The following NAALADL2 variants were observed in gnomAD, a reference collection of about 807,000 sequenced individuals.
NAALADL2 encodes N-acetylated alpha-linked acidic dipeptidase like 2, also known as inactive N-acetylated-alpha-linked acidic dipeptidase-like protein 2.
Under a neutral mutation model 87.2 loss-of-function variants are expected in NAALADL2, and 76 were observed. The observed-to-expected ratio is 0.87, with a 90% CI of 0.72 to 1.05. The LOEUF (loss-of-function observed/expected upper bound fraction) is 1.05, where lower values mean the gene tolerates loss of function less well. NAALADL2 is among the 50% of genes least tolerant of loss of function. The pLI is 0.00. For missense variants in NAALADL2, 1,089 were observed against 945.8 expected, an observed-to-expected ratio of 1.15 and a Z score of -1.99; for synonymous variants, 354 against 331.0, an observed-to-expected ratio of 1.07 and a Z score of -0.75.
intron 1 of NAALADL2, among the ~76,000 whole-genome samples, chr3:175,032,708 T>C (rs867372468): frequency 1.3e-5 from 2 of 152,052 alleles, no homozygotes; most frequent in Admixed American, 6.6e-5. Flanking sequence ...TTAAAAAATA[T>C]ATATATCATT....
chr3:175,029,097 TG>T (rs1275389715), intron 1 of NAALADL2, among the ~76,000 whole-genome samples: 4 of 151,110 alleles, frequency 2.6e-5, no homozygotes, highest in Non-Finnish European at 4.4e-5. Flanking sequence ...AATTTCAAGT[TG>T]TCCCAAATTT....
chr3:175,524,224 T>C (rs2149427673), intron 9 of NAALADL2, among the ~76,000 whole-genome samples: 1 of 152,306 alleles, frequency 6.6e-6, no homozygotes, highest in South Asian at 2.1e-4. Flanking sequence ...TTTTGGTCTT[T>C]AGGAAGATGT....
chr3:175,634,947 T>C (rs1728303027), intron 11 of NAALADL2, among the ~76,000 whole-genome samples: 1 of 152,022 alleles, frequency 6.6e-6, no homozygotes, highest in East Asian at 1.9e-4. Flanking sequence ...GTATTTTCAA[T>C]GCGAAGGTTG....
Position 174,879,671 on chromosome 3 carries a change from A to AT in NAALADL2, c.43+20229dup, listed in dbSNP as rs897441594. Among the ~76,000 whole-genome samples the AT allele has an allele frequency of 2.2e-4, 34 of 151,872 alleles. No individual in the cohort carries two copies. The East Asian group carries it at 6.0e-3, about 27-fold the overall frequency. Reference sequence around the variant, plus strand: ...ACTTCAGGTGAATGAGATATTCATAATTTTTTTTGGCCTCACTACTCATCT... The same window carrying AT: ...ACTTCAGGTGAATGAGATATTCATAATTTTTTTTTGGCCTCACTACTCATCT... On this transcript the variant is annotated intron_variant, in intron 1 of 13. Coordinates refer to ENST00000454872, the MANE Select transcript of NAALADL2 (RefSeq NM_207015.3).
intron 1 of NAALADL2, among the ~76,000 whole-genome samples, chr3:174,956,286 C>T (rs969871108): frequency 5.3e-5 from 8 of 151,994 alleles, no homozygotes; most frequent in Non-Finnish European, 8.8e-5. Flanking sequence ...TATGGACTCA[C>T]TAAAGTAAGC....
At chr3:174,646,978 T>G (rs571417467) in intron 2 of NAALADL2, among the ~76,000 whole-genome samples, 68 of 152,276 alleles carry the variant, frequency 4.5e-4, no homozygotes, top group African/African-American at 1.6e-3. Context: ...TCTAACTCAC[T>G]GTTAACATTC....
chr3:174,521,571 C>CAAAAAAAAAAAAAA (rs58465181), intron 1 of NAALADL2, among the ~76,000 whole-genome samples: 1 of 56,186 alleles, frequency 1.8e-5, no homozygotes, highest in Non-Finnish European at 3.1e-5. Context: ...GACCCTGTCT[C>CAAAAAAAAAAAAAA]AAAAAAAAAA....
chr3:175,795,591 G>A (rs1664158161), intron 13 of NAALADL2, among the ~76,000 whole-genome samples: 1 of 151,990 alleles, frequency 6.6e-6, no homozygotes, highest in Admixed American at 6.6e-5. Context: ...GCAGAGGCAG[G>A]AGAATGGTGT....
intron 1 of NAALADL2, among the ~76,000 whole-genome samples, chr3:174,860,917 A>C (rs558241427): frequency 6.6e-6 from 1 of 152,044 alleles, no homozygotes; most frequent in African/African-American, 2.4e-5. Context: ...CCCTATCCAT[A>C]TATATGTATA....
intron 3 of NAALADL2, among the ~76,000 whole-genome samples, chr3:174,761,618 A>T (rs958646368): frequency 5.3e-5 from 8 of 152,068 alleles, no homozygotes; most frequent in Non-Finnish European, 7.4e-5. Context: ...TTTAAGAAAA[A>T]TTTTTTTATT....
intron 1 of NAALADL2, among the ~76,000 whole-genome samples, chr3:174,961,910 C>T (rs1742058511): frequency 6.6e-6 from 1 of 151,934 alleles, no homozygotes; most frequent in Non-Finnish European, 1.5e-5. Context: ...AATTTGGTCC[C>T]AGTAATCCTG....
At chr3:174,589,183 G>A (rs1045111262) in intron 2 of NAALADL2, among the ~76,000 whole-genome samples, 3 of 152,172 alleles carry the variant, frequency 2.0e-5, no homozygotes, top group African/African-American at 7.2e-5. Flanking sequence ...AGCCAGGTGC[G>A]GGATATAATC....
intron 2 of NAALADL2, among the ~76,000 whole-genome samples, chr3:175,217,802 G>T (rs1160590773): frequency 6.6e-6 from 1 of 152,176 alleles, no homozygotes; most frequent in Non-Finnish European, 1.5e-5. Context: ...AGGCTCTAAA[G>T]AATTAAATCA....
chr3:174,826,572 G>A (rs1247765912), intron 3 of NAALADL2, among the ~76,000 whole-genome samples: 1 of 152,148 alleles, frequency 6.6e-6, no homozygotes. Flanking sequence ...GACCTTCAGT[G>A]CCAGAAATAC....
intron 11 of NAALADL2, among the ~76,000 whole-genome samples, chr3:175,703,381 G>A (rs543771631): frequency 6.6e-6 from 1 of 152,286 alleles, no homozygotes; most frequent in African/African-American, 2.4e-5. Flanking sequence ...TCTGAGGAGA[G>A]ACTGGACAGT....
At chr3:174,952,638 T>C (rs372824141) in intron 1 of NAALADL2, among the ~76,000 whole-genome samples, 1 of 152,018 alleles carries the variant, frequency 6.6e-6, no homozygotes, top group Admixed American at 6.6e-5. Context: ...AACATGGTAA[T>C]GGGAAGACAC....
intron 2 of NAALADL2, among the ~76,000 whole-genome samples, chr3:174,598,515 C>T: frequency 6.6e-6 from 1 of 152,122 alleles, no homozygotes; most frequent in East Asian, 1.9e-4. Flanking sequence ...TGGTATCAGA[C>T]ACTTATTATT....
intron 13 of NAALADL2, among the ~76,000 whole-genome samples, chr3:175,759,271 G>A (rs1747676783): frequency 1.3e-5 from 2 of 151,634 alleles, no homozygotes; most frequent in South Asian, 2.1e-4. Context: ...TATTCAAAGT[G>A]CACAATGAAT....
At chr3:175,491,886 T>C (rs1033616592) in intron 9 of NAALADL2, among the ~76,000 whole-genome samples, 2 of 152,186 alleles carry the variant, frequency 1.3e-5, no homozygotes, top group African/African-American at 4.8e-5. Flanking sequence ...AATCACCTTT[T>C]ACTAAAATTA....
Sources: allele counts gnomAD v4.1 joint callset (sites outside exome capture counted in the v4.1 genomes callset), GRCh38; gene constraint gnomAD v4.1.1; transcripts MANE v1.5; gene names NCBI Gene and HGNC (gene_info 2026-07-23, HGNC 2026-07-21).